The following ARID2 variants were observed in gnomAD, a reference collection of about 807,000 sequenced individuals.
ARID2 encodes AT-rich interactive domain-containing protein 2.
In ARID2, 32 loss-of-function variants were observed where a neutral mutation model predicts 184.6. The ratio of observed to expected loss-of-function variants is 0.17; its 90% CI spans 0.13 to 0.23. The LOEUF (loss-of-function observed/expected upper bound fraction) is 0.23, where lower values mean the gene tolerates loss of function less well. Among genes scored for constraint, ARID2 ranks in the 10% least tolerant of loss-of-function variants. The probability of loss-of-function intolerance (pLI) is 1.00; values close to 1 mark genes in which losing one functional copy is unlikely to be tolerated. For synonymous variants in ARID2, 836 were observed against 772.6 expected (o/e 1.08, Z -1.36); for missense variants, 1,696 against 2,197.6 (o/e 0.77, Z 4.56).
At chr12:45,788,845 G>A (rs972770989) in intron 3 of ARID2, among the ~76,000 whole-genome samples, 6 of 152,144 alleles carry the variant, frequency 3.9e-5, no homozygotes, top group African/African-American at 1.2e-4. Flanking sequence ...CTATCCAAAA[G>A]CAGTTTCCTT....
At chr12:45,808,113 G>A (rs1942634762) in intron 3 of ARID2, among the ~76,000 whole-genome samples, 1 of 152,222 alleles carries the variant, frequency 6.6e-6, no homozygotes, top group African/African-American at 2.4e-5. Context: ...TGAGGAGAAA[G>A]ATGTGCAGTC....
In ARID2 at chr12:45,850,649, A is replaced by C. The variant is rs207472912; in HGVS notation, c.2526A>C (p.Ser842=). Residue 842 remains serine (S), a synonymous_variant, in exon 15 of 21, where the codon TCA becomes TCC. Coordinates refer to ENST00000334344, the MANE Select transcript of ARID2 (RefSeq NM_152641.4). ...SSQQTSAGSQ[S]QDTVIIAPPQ... is the part of the protein sequence containing the mutation. Reference sequence around the variant, plus strand: ...AACAGACATCAGCTGGTAGCCAGTCACAAGATACTGTTATCATAGCACCCC... The same window carrying C: ...AACAGACATCAGCTGGTAGCCAGTCCCAAGATACTGTTATCATAGCACCCC... 3.7e-6 allele frequency: 6 copies of C among 1,614,034 alleles called. No individual in the cohort carries two copies. Among genetic ancestry groups the C allele is most frequent in the Non-Finnish European group, 4.2e-6 (5 of 1,180,002 alleles).
chr12:45,841,734 ATCAT>A (rs770395271), intron 11 of ARID2: 2 of 152,192 alleles, frequency 1.3e-5, no homozygotes, highest in Non-Finnish European at 2.9e-5. Context: ...TCTTGATACC[ATCAT>A]TCATTTTTTA....
intron 3 of ARID2, among the ~76,000 whole-genome samples, chr12:45,797,800 G>GAATAAA (rs1479168702): frequency 6.6e-6 from 1 of 151,696 alleles, no homozygotes. Flanking sequence ...ACGTGTATAT[G>GAATAAA]AAATACTAGC....
intron 3 of ARID2, among the ~76,000 whole-genome samples, 181 bp downstream of exon 3, chr12:45,731,495 C>G (rs1940997834): frequency 6.6e-6 from 1 of 152,182 alleles, no homozygotes; most frequent in Non-Finnish European, 1.5e-5. Flanking sequence ...GTCTTCCTCA[C>G]CAATTTCAGG....
At chr12:45,866,545 T>C (rs1943833844) in intron 16 of ARID2, among the ~76,000 whole-genome samples, 1 of 152,210 alleles carries the variant, frequency 6.6e-6, no homozygotes, top group South Asian at 2.1e-4. Flanking sequence ...AAGTACCATC[T>C]AAAAATGTTA....
Position 45,893,712 on chromosome 12 carries a change from G to A in ARID2, c.5354G>A (p.Cys1785Tyr). ...AAAAATATTGGTAAATATTCAGAATGTGGTCGCAGGTGAGTAATATGTTTT... is the reference window on the plus strand; with the variant it reads ...AAAAATATTGGTAAATATTCAGAATATGGTCGCAGGTGAGTAATATGTTTT... ...ILKNIGKYSE[C>Y]GRRLLKRHEN... is the part of the protein sequence containing the mutation. The change falls in exon 20 of 21, where the codon TGT (cysteine) becomes TAT (tyrosine). Residue 1785 changes from cysteine (C) to tyrosine (Y), a missense_variant. Coordinates refer to ENST00000334344, the MANE Select transcript of ARID2 (RefSeq NM_152641.4). 6.3e-7 allele frequency: 1 copy of A among 1,592,278 alleles called. No homozygotes were observed. Among genetic ancestry groups the A allele is most frequent in the Non-Finnish European group, 8.5e-7 (1 of 1,172,974 alleles).
Position 45,851,412 on chromosome 12 carries a change from G to A in ARID2, c.3289G>A (p.Val1097Met), listed in dbSNP as rs775596896. The A allele has an allele frequency of 3.1e-6, 5 of 1,614,104 alleles. No homozygotes were observed. Among genetic ancestry groups the A allele is most frequent in the Non-Finnish European group, 4.2e-6 (5 of 1,180,000 alleles). The change falls in exon 15 of 21, where the codon GTG becomes ATG. Residue 1097 changes from valine to methionine, a missense_variant. This residue lies in a region of ARID2 where 713 missense variants were observed against 824.4 expected (regional missense o/e 0.86). Transcript: ENST00000334344. ...PNNARAPSPQ[V>M]VYQVASNQAA... ...TAATGCAAGAGCTCCTAGCCCTCAG[G>A]TGGTCTATCAGGTGGCCAGTAACCA...
At chr12:45,823,510 T>G (rs1021398323) in intron 6 of ARID2, among the ~76,000 whole-genome samples, 7 of 151,996 alleles carry the variant, frequency 4.6e-5, no homozygotes, top group Non-Finnish European at 1.0e-4. Flanking sequence ...AACAAAAAGT[T>G]GTTTTTTGAT....
In ARID2 at chr12:45,850,970, T is replaced by C; in HGVS notation, c.2847T>C (p.Ala949=). The change falls in exon 15 of 21, where the codon GCT becomes GCC. Residue 949 remains alanine, a synonymous_variant. Transcript: ENST00000334344. The part of the protein sequence containing the change: ...YAPAIHQIVL[A]NPAALPAGQT... ...CAGCCATTCACCAAATTGTTCTTGC[T>C]AATCCAGCAGCTCTTCCAGCTGGTC... 6.2e-7 allele frequency: 1 copy of C among 1,614,184 alleles called. No individual in the cohort carries two copies. The highest frequency in any genetic ancestry group is 2.2e-5 in the East Asian group (1 of 44,896).
At chr12:45,755,315 G>C (rs1338569947) in intron 3 of ARID2, among the ~76,000 whole-genome samples, 1 of 152,180 alleles carries the variant, frequency 6.6e-6, no homozygotes, top group Non-Finnish European at 1.5e-5. Context: ...TGGTATGTGG[G>C]ATAGGTTTGA....
chr12:45,839,333 G>A lies in ARID2; in HGVS notation c.1335G>A (p.Met445Ile), dbSNP rs752551052. The change falls in exon 11 of 21, where the codon ATG becomes ATA. Residue 445 changes from methionine (M) to isoleucine (I), a missense_variant. Around this residue, in one of 11 missense-constraint regions of ARID2, gnomAD observed 86 missense variants for 200.8 expected, o/e 0.43. Coordinates refer to ENST00000334344, the MANE Select transcript of ARID2 (RefSeq NM_152641.4). ...KIAKVEKSID[M>I]LVCLVSMDIQ... ...ATTGCTTTTTATTTATTTTAGACAT[G>A]TTAGTGTGTCTGGTTTCTATGGATA... 10 of 1,607,332 alleles carry A rather than the reference G, an allele frequency of 6.2e-6. 1 individual carries two copies. In the South Asian group the frequency reaches 1.1e-4, roughly 18 times the overall value.
At chr12:45,894,743 G>T (rs1410674046) in intron 20 of ARID2, among the ~76,000 whole-genome samples, 1 of 151,688 alleles carries the variant, frequency 6.6e-6, no homozygotes, top group Non-Finnish European at 1.5e-5. Context: ...AGAAAAAAAA[G>T]AAATATAAAG....
intron 16 of ARID2, 140 bp downstream of exon 16, chr12:45,861,089 A>T (rs1025596064): frequency 7.4e-6 from 5 of 679,600 alleles, no homozygotes; most frequent in Admixed American, 4.0e-5. Context: ...AGTTATATTT[A>T]TGATCCATTA....
intron 5 of ARID2, among the ~76,000 whole-genome samples, chr12:45,820,141 A>G (rs1042374255): frequency 2.0e-5 from 3 of 152,174 alleles, no homozygotes; most frequent in Non-Finnish European, 2.9e-5. Flanking sequence ...GCTGCTACTT[A>G]TGTATAAATT....
chr12:45,815,155 A>AT (rs1338904725), intron 4 of ARID2, among the ~76,000 whole-genome samples: 4 of 152,050 alleles, frequency 2.6e-5, no homozygotes, highest in African/African-American at 4.8e-5. Context: ...CGGGTTCCAC[A>AT]TTTTTTTCTA....
At chr12:45,827,963 G>A (rs559795888) in intron 6 of ARID2, among the ~76,000 whole-genome samples, 2 of 152,008 alleles carry the variant, frequency 1.3e-5, no homozygotes, top group Admixed American at 6.6e-5. Flanking sequence ...TAAGCTTCAG[G>A]ATGCATTGAC....
At position 45,783,167 on chromosome 12, in the gene ARID2, G is replaced by GA. The variant is rs1323036831; in HGVS notation, c.285-28242dup. Among the ~76,000 whole-genome samples, 6 of 150,000 alleles carry GA rather than the reference G, an allele frequency of 4.0e-5. No homozygotes were observed. The East Asian group carries it at 5.8e-4, about 15-fold the overall frequency. ...AAAGTGAAAAATGATTCTCATGATTGAAAAAAAAATCCAAAGCTTAGAAAA... is the reference window on the plus strand; with the variant it reads ...AAAGTGAAAAATGATTCTCATGATTGAAAAAAAAAATCCAAAGCTTAGAAAA... On this transcript the variant is annotated intron_variant, in intron 3 of 20. Transcript: ENST00000334344.
chr12:45,753,480 A>G (rs1051738159), intron 3 of ARID2, among the ~76,000 whole-genome samples: 1 of 152,192 alleles, frequency 6.6e-6, no homozygotes, highest in African/African-American at 2.4e-5. Context: ...TGTGTACCTT[A>G]TAGAGTTGTT....
Sources: allele counts gnomAD v4.1 joint callset (sites outside exome capture counted in the v4.1 genomes callset), GRCh38; gene constraint gnomAD v4.1.1; regional missense constraint gnomAD v4.1.1; transcripts MANE v1.5; gene names NCBI Gene and HGNC (gene_info 2026-07-23, HGNC 2026-07-21).